The following SBF2 variants were observed in gnomAD, a reference collection of about 807,000 sequenced individuals.
SBF2 encodes the protein myotubularin-related protein 13.
Under a neutral mutation model 225.2 loss-of-function variants are expected in SBF2, and 112 were observed. The ratio of observed to expected loss-of-function variants is 0.50; its 90% CI spans 0.43 to 0.58. SBF2 has a LOEUF of 0.58. Among genes scored for constraint, SBF2 ranks in the 20% least tolerant of loss-of-function variants. The pLI, the probability that SBF2 is intolerant of heterozygous loss-of-function variation, is 0.00. For synonymous variants in SBF2, 763 were observed against 773.3 expected (o/e 0.99, Z 0.22); for missense variants, 1,996 against 2,206.2 (o/e 0.90, Z 1.91).
intron 1 of SBF2, among the ~76,000 whole-genome samples, chr11:10,218,568 A>C (rs937684611): frequency 3.9e-5 from 6 of 152,138 alleles, no homozygotes; most frequent in Non-Finnish European, 4.4e-5. Flanking sequence ...AGTCTCATCC[A>C]AGACAAGACA....
intron 1 of SBF2, among the ~76,000 whole-genome samples, chr11:10,225,167 T>A (rs1958490860): frequency 6.6e-6 from 1 of 152,128 alleles, no homozygotes; most frequent in Admixed American, 6.6e-5. Flanking sequence ...AGAATTAGGA[T>A]GAAAAACAAC....
chr11:10,097,085 T>A (rs1731699040), intron 2 of SBF2, among the ~76,000 whole-genome samples: 2 of 152,192 alleles, frequency 1.3e-5, no homozygotes, highest in South Asian at 4.1e-4. Context: ...AGGCCTTCAG[T>A]AGATGATTAA....
Position 9,850,159 on chromosome 11 carries a change from T to G in SBF2, c.2670A>C (p.Arg890=). 6.2e-7 allele frequency: 1 copy of G among 1,614,066 alleles called. No individual in the cohort carries two copies. Among genetic ancestry groups the G allele is most frequent in the Non-Finnish European group, 8.5e-7 (1 of 1,180,016 alleles). The change falls in exon 22 of 40, where the codon CGA becomes CGC. Residue 890 remains arginine (R), a synonymous_variant. Coordinates refer to ENST00000256190, the MANE Select transcript of SBF2 (RefSeq NM_030962.4). ...PGEEIVCEGL[R]VLLDPDGREE... is the part of the protein sequence containing the mutation. ...CTCTTCCATCAGGATCCAGCAAGAC[T>G]CGAAGACCCTCACAGACAATTTCTT...
intron 1 of SBF2, among the ~76,000 whole-genome samples, chr11:10,225,402 T>C (rs1293264953): frequency 6.6e-6 from 1 of 151,816 alleles, no homozygotes; most frequent in Non-Finnish European, 1.5e-5. Context: ...AAAACCCAAT[T>C]TCCTATTAAA....
chr11:10,182,045 A>G (rs1037524540), intron 2 of SBF2, among the ~76,000 whole-genome samples: 1 of 152,200 alleles, frequency 6.6e-6, no homozygotes, highest in African/African-American at 2.4e-5. Context: ...TATTCTGGCT[A>G]GCTTAAAGGT....
rs773684325 is a variant in SBF2, at chr11:9,829,339, GTAT to G, written c.3793+14_3793+16del. ...TCATTAGAAGCTGTCAAGAAGAAAA[GTAT>G]TATCAAATCTTACCTGGAGATAGAG... On this transcript the variant is annotated intron_variant, in intron 28 of 39. Transcript: ENST00000256190. 3.0e-5 allele frequency: 49 copies of G among 1,613,648 alleles called. No individual in the cohort carries two copies. In the East Asian group the frequency reaches 9.8e-4, roughly 32 times the overall value.
intron 6 of SBF2, among the ~76,000 whole-genome samples, chr11:10,011,488 G>A (rs1251894061): frequency 2.6e-5 from 4 of 152,180 alleles, no homozygotes; most frequent in African/African-American, 9.6e-5. Context: ...CAAAGTGTTA[G>A]GATTTCAGGC....
rs1393777562 is a variant in SBF2, at chr11:9,816,753, T to A, written c.3978+87A>T. On this transcript the variant is annotated intron_variant, in intron 29 of 39. Transcript: ENST00000256190. ...GTTAAGAATCATGCTGTAAAAAAAA[T>A]TCTAGCAAAGCTGGTTTGTGATACA... is the stretch of plus-strand genomic sequence containing the variant. The A allele has an allele frequency of 3.7e-6, 5 of 1,353,756 alleles. No individual in the cohort carries two copies. In the East Asian group the frequency reaches 1.2e-4, roughly 32 times the overall value. The allele number at this position is 1,353,756 out of a possible 1,614,324, so 83.9% of individuals were successfully genotyped here. A position where few individuals can be genotyped will look rare whatever the true frequency, so the allele number is the denominator to read the frequency against.
chr11:10,065,689 C>T (rs187214284), intron 2 of SBF2, among the ~76,000 whole-genome samples: 11 of 152,266 alleles, frequency 7.2e-5, no homozygotes, highest in East Asian at 1.9e-4. Context: ...CAGTGACGCA[C>T]GCCTGTAATC....
chr11:10,034,010 T>A (rs1352558279), intron 3 of SBF2, among the ~76,000 whole-genome samples: 1 of 152,216 alleles, frequency 6.6e-6, no homozygotes, highest in South Asian at 2.1e-4. Context: ...AAGTTTCACA[T>A]ATTTTATCCA....
intron 28 of SBF2, chr11:9,828,174 C>T (rs1219859825): frequency 7.8e-7 from 1 of 1,289,606 alleles, no homozygotes; most frequent in Non-Finnish European, 1.0e-6. Flanking sequence ...TGTCCTGGCA[C>T]TACCTGCTTA....
At chr11:10,134,887 G>T (rs1349927962) in intron 2 of SBF2, among the ~76,000 whole-genome samples, 1 of 152,226 alleles carries the variant, frequency 6.6e-6, no homozygotes, top group Non-Finnish European at 1.5e-5. Context: ...CTGGAGGACA[G>T]TGGCCCTCTT....
intron 12 of SBF2, 107 bp downstream of exon 12, chr11:9,992,308 A>G (rs1947474950): frequency 3.7e-6 from 3 of 809,514 alleles, no homozygotes; most frequent in African/African-American, 1.8e-5. Flanking sequence ...ATTATTTAAT[A>G]CCTAATTTAT....
chr11:10,005,005 C>T (rs1331378939), intron 6 of SBF2, among the ~76,000 whole-genome samples: 1 of 152,102 alleles, frequency 6.6e-6, no homozygotes, highest in African/African-American at 2.4e-5. Context: ...GATCCCCCAC[C>T]CCCATGCCAC....
intron 16 of SBF2, among the ~76,000 whole-genome samples, chr11:9,925,955 C>T (rs1864005003): frequency 9.1e-6 from 1 of 110,446 alleles, no homozygotes. Flanking sequence ...GGTTTGGAAC[C>T]AACGTGATAA....
intron 32 of SBF2, among the ~76,000 whole-genome samples, chr11:9,807,091 A>G (rs1853897648): frequency 6.6e-6 from 1 of 152,220 alleles, no homozygotes; most frequent in Non-Finnish European, 1.5e-5. Context: ...GTGTGTTTCA[A>G]AGAGGCTCAC....
At chr11:9,876,585 G>A (rs2134067678) in intron 17 of SBF2, among the ~76,000 whole-genome samples, 1 of 152,274 alleles carries the variant, frequency 6.6e-6, no homozygotes, top group East Asian at 1.9e-4. Context: ...ATAGTGATAA[G>A]GCAGCCATCT....
At chr11:10,007,239 T>C (rs553938600) in intron 6 of SBF2, among the ~76,000 whole-genome samples, 19 of 152,240 alleles carry the variant, frequency 1.2e-4, no homozygotes, top group Admixed American at 2.6e-4. Context: ...TTCAGGATAA[T>C]AGGAAGAGAA....
chr11:9,857,437 C>T (rs772482984), intron 18 of SBF2, among the ~76,000 whole-genome samples: 9 of 152,180 alleles, frequency 5.9e-5, no homozygotes, highest in Non-Finnish European at 1.3e-4. Flanking sequence ...AAAGCACCCC[C>T]GAAGCCCAGT....
Sources: gnomAD v4.1 joint callset for allele counts (sites outside exome capture counted in the v4.1 genomes callset) on GRCh38, gnomAD v4.1.1 for gene constraint, MANE v1.5 for transcripts, NCBI Gene and HGNC (gene_info 2026-07-23, HGNC 2026-07-21) for gene names.